The following TAOK3 variants were observed in gnomAD, a reference collection of about 807,000 sequenced individuals.
The protein encoded by TAOK3 is TAO kinase 3.
Under a neutral mutation model 120.4 loss-of-function variants are expected in TAOK3, and 40 were observed. The observed-to-expected ratio is 0.33, with a 90% CI of 0.26 to 0.43. The LOEUF (loss-of-function observed/expected upper bound fraction) is 0.43, where lower values mean the gene tolerates loss of function less well. Among genes scored for constraint, TAOK3 ranks in the 20% least tolerant of loss-of-function variants. The pLI, the probability that TAOK3 is intolerant of heterozygous loss-of-function variation, is 1.00. For missense variants in TAOK3, 821 were observed against 1,112.1 expected (o/e 0.74, Z 3.72); for synonymous variants, 355 against 387.5 (o/e 0.92, Z 0.99).
chr12:118,203,070 G>A (rs922845491), intron 11 of TAOK3, among the ~76,000 whole-genome samples: 23 of 151,778 alleles, frequency 1.5e-4, no homozygotes, highest in Admixed American at 1.1e-3. Context: ...GTGAGCCACC[G>A]CACCGCACCT....
intron 9 of TAOK3, among the ~76,000 whole-genome samples, chr12:118,229,298 C>T (rs1007980017): frequency 1.3e-5 from 2 of 152,004 alleles, no homozygotes; most frequent in Non-Finnish European, 2.9e-5. Context: ...TGGGGTTTCA[C>T]CACGTTGGCC....
In TAOK3 at chr12:118,367,050, T is replaced by C. The variant is rs149919964; in HGVS notation, c.-194+5598A>G. Among the ~76,000 whole-genome samples, 577 of 152,308 alleles carry C rather than the reference T, an allele frequency of 3.8e-3. 2 individuals carry two copies. The highest frequency in any genetic ancestry group is 0.013 in the African/African-American group (554 of 41,564). On this transcript the variant is annotated intron_variant, in intron 1 of 20. Coordinates refer to ENST00000392533, the MANE Select transcript of TAOK3 (RefSeq NM_016281.4). The stretch of plus-strand genomic sequence containing the variant: ...TCTAGCCTGGGCGACAGAGTAAGGC[T>C]GTCTCGAAAACAACAACAAAAAAAA...
intron 1 of TAOK3, among the ~76,000 whole-genome samples, chr12:118,296,578 C>T (rs1566080151): frequency 6.6e-6 from 1 of 152,182 alleles, no homozygotes; most frequent in African/African-American, 2.4e-5. Flanking sequence ...GACAATGTAA[C>T]ACCTAGGCTG....
intron 17 of TAOK3, among the ~76,000 whole-genome samples, chr12:118,165,214 G>A (rs2035503277): frequency 6.6e-6 from 1 of 152,096 alleles, no homozygotes; most frequent in Non-Finnish European, 1.5e-5. Context: ...GCCCGTAGGT[G>A]GCACCAAAGG....
chr12:118,305,100 C>T (rs1002424085), intron 1 of TAOK3, among the ~76,000 whole-genome samples: 1 of 152,110 alleles, frequency 6.6e-6, no homozygotes, highest in Non-Finnish European at 1.5e-5. Context: ...ATAAATATAT[C>T]GAGCACAGGA....
chr12:118,299,346 C>A (rs1252280587), intron 1 of TAOK3, among the ~76,000 whole-genome samples: 1 of 151,980 alleles, frequency 6.6e-6, no homozygotes. Context: ...TTATAGCTAT[C>A]TTGAGTTCAA....
chr12:118,298,280 T>TATA (rs2042754286), intron 1 of TAOK3, among the ~76,000 whole-genome samples: 1 of 152,192 alleles, frequency 6.6e-6, no homozygotes, highest in South Asian at 2.1e-4. Context: ...CACCTGAGCA[T>TATA]CTTGTTAAAA....
Position 118,244,942 on chromosome 12 carries a change from C to T in TAOK3, c.144G>A (p.Glu48=). 1 of 1,610,302 alleles carries T rather than the reference C, an allele frequency of 6.2e-7. No homozygotes were observed. Among genetic ancestry groups the T allele is most frequent in the Non-Finnish European group, 8.5e-7 (1 of 1,177,018 alleles). The change falls in exon 4 of 21, where the codon GAG becomes GAA. Residue 48 remains glutamate (E), a synonymous_variant. Coordinates refer to ENST00000392533, the MANE Select transcript of TAOK3 (RefSeq NM_016281.4). The part of the protein sequence containing the change: ...VYFATNAHTS[E]VVAIKKMSYS... Reference sequence around the variant, plus strand: ...AGGACATCTTCTTAATTGCCACCACCTCACTGGTGTGAGCATTTGTAGCCT... The same window carrying T: ...AGGACATCTTCTTAATTGCCACCACTTCACTGGTGTGAGCATTTGTAGCCT...
intron 13 of TAOK3, among the ~76,000 whole-genome samples, chr12:118,197,556 G>T (rs1017523238): frequency 1.3e-5 from 2 of 151,974 alleles, no homozygotes; most frequent in Admixed American, 1.3e-4. Context: ...GGAGCAAAAA[G>T]ATCCAACTGA....
At position 118,161,218 on chromosome 12, in the gene TAOK3, T is replaced by C. The variant is rs1165966862; in HGVS notation, c.2139+570A>G. 1.3e-5 allele frequency among the ~76,000 whole-genome samples: 2 copies of C among 152,238 alleles called. No individual in the cohort carries two copies. The highest frequency in any genetic ancestry group is 2.9e-5 in the Non-Finnish European group (2 of 68,036). ...TCCCGGATATATAGCAATGGCTTAG[T>C]ACACAGAGCTTGTTAATTAGCAGTC... is the stretch of plus-strand genomic sequence containing the variant. On this transcript the variant is annotated intron_variant, in intron 18 of 20. Coordinates refer to ENST00000392533, the MANE Select transcript of TAOK3 (RefSeq NM_016281.4). The surrounding 1 kb of genome is among the most constrained non-coding windows in gnomAD (Gnocchi z 4.5).
chr12:118,269,383 CTTTTTTTTTT>C (rs1174725563), intron 1 of TAOK3, among the ~76,000 whole-genome samples: 67 of 103,888 alleles, frequency 6.4e-4, no homozygotes, highest in Non-Finnish European at 1.1e-3. Context: ...TCTCTCTCTT[CTTTTTTTTTT>C]TTTTTTTTTT....
chr12:118,182,566 GT>G (rs1442100711), intron 14 of TAOK3, among the ~76,000 whole-genome samples: 1 of 127,614 alleles, frequency 7.8e-6, no homozygotes, highest in Non-Finnish European at 1.6e-5. Context: ...TACTACACTG[GT>G]TTGTTTTGTA....
intron 1 of TAOK3, among the ~76,000 whole-genome samples, chr12:118,327,857 C>T (rs1321747060): frequency 6.6e-6 from 1 of 152,118 alleles, no homozygotes; most frequent in East Asian, 1.9e-4. Flanking sequence ...GAAAGAGTGA[C>T]ACTATTATAT....
Position 118,178,015 on chromosome 12 carries a change from T to C in TAOK3, c.1567-686A>G, listed in dbSNP as rs77233282. On this transcript the variant is annotated intron_variant, in intron 15 of 20. Coordinates refer to ENST00000392533, the MANE Select transcript of TAOK3 (RefSeq NM_016281.4). ...AGGCTGGAGTGCAGTGGCTCGAGCA[T>C]AGCTCACTGCAGCCTAAAAATCCCG... 7.5e-3 allele frequency among the ~76,000 whole-genome samples: 1,148 copies of C among 152,148 alleles called. 12 individuals are homozygous for C. Among genetic ancestry groups the C allele is most frequent in the African/African-American group, 0.027 (1,116 of 41,512 alleles).
chr12:118,172,811 T>A (rs2036087034), intron 16 of TAOK3, 151 bp from the exon 17 acceptor site: 1 of 669,776 alleles, frequency 1.5e-6, no homozygotes, highest in South Asian at 1.9e-5. Flanking sequence ...CAATTTTTTT[T>A]ATTTGCTCAT....
intron 1 of TAOK3, among the ~76,000 whole-genome samples, chr12:118,369,376 T>C (rs993372742): frequency 1.3e-5 from 2 of 152,230 alleles, no homozygotes; most frequent in Admixed American, 1.3e-4. Flanking sequence ...CAAATTCTAC[T>C]GCAAAGAATC....
At chr12:118,214,656 C>T (rs1224271079) in intron 9 of TAOK3, among the ~76,000 whole-genome samples, 2 of 151,514 alleles carry the variant, frequency 1.3e-5, no homozygotes, top group African/African-American at 4.8e-5. Flanking sequence ...CAACCTCTGC[C>T]TCCTGGGTTC....
rs2037359814 is a variant in TAOK3 at position 118,190,251 on chromosome 12, A to G, written c.1195-310T>C. On this transcript the variant is annotated intron_variant, in intron 13 of 20. Transcript: ENST00000392533. ...ATAATGCAATGTACAGACTCCTTAG[A>G]ACAGTTTGCTTAAAACGCTGTAACC... The G allele has an allele frequency of 2.2e-5, 5 of 223,276 alleles. No homozygotes were observed. In the Admixed American group the frequency reaches 2.6e-4, roughly 12 times the overall value. The allele number at this position is 223,276 out of a possible 1,614,324, so 13.8% of individuals were successfully genotyped here. A position where few individuals can be genotyped will look rare whatever the true frequency, so the allele number is the denominator to read the frequency against.
intron 3 of TAOK3, among the ~76,000 whole-genome samples, chr12:118,252,114 C>T (rs1194363450): frequency 1.3e-5 from 2 of 152,176 alleles, no homozygotes; most frequent in Non-Finnish European, 2.9e-5. Flanking sequence ...GCCACTGCAC[C>T]CGGCCTTGGC....
Sources: gnomAD v4.1 joint callset for allele counts (sites outside exome capture counted in the v4.1 genomes callset) on GRCh38, gnomAD v4.1.1 for gene constraint, Gnocchi (gnomAD v3.1) non-coding constraint, MANE v1.5 for transcripts, NCBI Gene and HGNC (gene_info 2026-07-23, HGNC 2026-07-21) for gene names.